TOX4: variants seen among roughly 807,000 people sequenced by gnomAD.
TOX4 encodes TOX high mobility group box family member 4, also known as epidermal Langerhans cell protein LCP1.
In TOX4, 12 loss-of-function variants were observed where a neutral mutation model predicts 61.0. The ratio of observed to expected loss-of-function variants is 0.20; its 90% CI spans 0.13 to 0.32. The LOEUF (loss-of-function observed/expected upper bound fraction) is 0.32, where lower values mean the gene tolerates loss of function less well. Ranked by LOEUF, TOX4 falls within the 10% of genes least tolerant of loss-of-function variation. The probability of loss-of-function intolerance (pLI) is 1.00; values close to 1 mark genes in which losing one functional copy is unlikely to be tolerated. For missense variants in TOX4, 499 were observed against 753.3 expected, an observed-to-expected ratio of 0.66 and a Z score of 3.95; for synonymous variants, 268 against 274.8, an observed-to-expected ratio of 0.98 and a Z score of 0.24.
chr14:21,481,813 A>T lies in TOX4; in HGVS notation c.75+4249A>T, dbSNP rs575492258. Among the ~76,000 whole-genome samples the T allele has an allele frequency of 3.9e-5, 6 of 152,358 alleles. No homozygotes were observed. In the East Asian group the frequency reaches 1.2e-3, roughly 29 times the overall value. Reference sequence around the variant, plus strand: ...TATTTTGTTGAGTAGAAAAAGACAGACATAAAAGAGAAGACACTATATTCG... The same window carrying T: ...TATTTTGTTGAGTAGAAAAAGACAGTCATAAAAGAGAAGACACTATATTCG... On this transcript the variant is annotated intron_variant, in intron 2 of 8. Coordinates refer to ENST00000448790, the MANE Select transcript of TOX4 (RefSeq NM_014828.4).
chr14:21,479,528 A>T (rs1406571895), intron 2 of TOX4, among the ~76,000 whole-genome samples: 1 of 151,948 alleles, frequency 6.6e-6, no homozygotes, highest in Non-Finnish European at 1.5e-5. Context: ...CGCGCCTGTA[A>T]TCCCAGATAC....
chr14:21,481,074 G>T (rs1891099649), intron 2 of TOX4, among the ~76,000 whole-genome samples: 1 of 152,108 alleles, frequency 6.6e-6, no homozygotes, highest in South Asian at 2.1e-4. Context: ...TGGGCAACAA[G>T]AGAGAAACTC....
chr14:21,488,415 TG>T, intron 3 of TOX4, 174 bp from the exon 4 acceptor site: 2 of 678,722 alleles, frequency 2.9e-6, no homozygotes, highest in Non-Finnish European at 4.8e-6. Context: ...CATTAATTTC[TG>T]TACTTTTTTA....
rs762865821 is a variant in TOX4, at chr14:21,492,599, C to T, written c.983C>T (p.Ala328Val). ...PMATVDPASPAPASIEPPALS... is the reference protein window; with the variant it reads ...PMATVDPASPVPASIEPPALS... ...GCTACTGTTGACCCAGCATCTCCAG[C>T]ACCAGCTTCAATAGAGCCCCCTGCC... The change falls in exon 7 of 9, where the codon GCA becomes GTA. Residue 328 changes from alanine (A) to valine (V), a missense_variant. By Grantham distance (64) the Ala-to-Val change is moderately conservative (BLOSUM62 0). Around this residue, in one of 7 missense-constraint regions of TOX4, gnomAD observed 296 missense variants for 404.7 expected, o/e 0.73. Coordinates refer to ENST00000448790, the MANE Select transcript of TOX4 (RefSeq NM_014828.4). 6.2e-7 allele frequency: 1 copy of T among 1,613,892 alleles called. No individual in the cohort carries two copies. Among genetic ancestry groups the T allele is most frequent in the South Asian group, 1.1e-5 (1 of 91,078 alleles).
intron 7 of TOX4, among the ~76,000 whole-genome samples, chr14:21,494,781 C>T (rs1198263218): frequency 2.0e-5 from 3 of 146,814 alleles, no homozygotes; most frequent in Admixed American, 6.8e-5. Flanking sequence ...TAGCTGGGCA[C>T]GGTGATGGGC....
At chr14:21,479,655 C>T (rs190479389) in intron 2 of TOX4, among the ~76,000 whole-genome samples, 2 of 152,134 alleles carry the variant, frequency 1.3e-5, no homozygotes, top group African/African-American at 4.8e-5. Flanking sequence ...CTCAAACAAA[C>T]AAACAAAAAC....
intron 5 of TOX4, among the ~76,000 whole-genome samples, chr14:21,490,253 C>T (rs1317280077): frequency 1.3e-5 from 2 of 150,948 alleles, no homozygotes; most frequent in African/African-American, 2.4e-5. Context: ...CCGAGGCAGG[C>T]GGATTACGAA....
chr14:21,491,841 C>T (rs2139628741), intron 5 of TOX4, among the ~76,000 whole-genome samples: 1 of 151,120 alleles, frequency 6.6e-6, no homozygotes, highest in South Asian at 2.1e-4. Flanking sequence ...GAAACCCCAT[C>T]TCTACTAAAA....
chr14:21,480,336 G>A (rs796372384), intron 2 of TOX4, among the ~76,000 whole-genome samples: 6 of 152,126 alleles, frequency 3.9e-5, no homozygotes, highest in African/African-American at 1.4e-4. Context: ...TAAGTTTTAG[G>A]CTCAATTTCA....
chr14:21,496,724 C>A lies in TOX4; in HGVS notation c.*118C>A. 1.2e-6 allele frequency: 1 copy of A among 832,992 alleles called. No homozygotes were observed. Among genetic ancestry groups the A allele is most frequent in the Non-Finnish European group, 2.0e-6 (1 of 512,514 alleles). 51.6% of individuals were successfully genotyped at this position (832,992 alleles called of 1,614,324 possible). A position where few individuals can be genotyped will look rare whatever the true frequency, so the allele number is the denominator to read the frequency against. On this transcript the variant is annotated 3_prime_UTR_variant, in exon 9 of 9. Coordinates refer to ENST00000448790, the MANE Select transcript of TOX4 (RefSeq NM_014828.4). ...CTCATCACAACCCATGATGGCTGTT[C>A]ATGTTTCACCCCTTTTCTTCCTTCA...
intron 7 of TOX4, 40 bp from the exon 8 acceptor site, chr14:21,495,189 A>G (rs756755911): frequency 2.6e-5 from 42 of 1,603,512 alleles, no homozygotes; most frequent in Non-Finnish European, 3.6e-5. Flanking sequence ...CTAGGCAGGG[A>G]GCAATCTAAT....
intron 5 of TOX4, 29 bp from the exon 6 acceptor site, chr14:21,492,266 GT>G (rs749834552): frequency 1.2e-3 from 1,092 of 898,216 alleles, no homozygotes; most frequent in Admixed American, 1.5e-3. Context: ...GGGGAGTTTT[GT>G]TTTTTTTTTT....
At chr14:21,479,679 T>G (rs1405570275) in intron 2 of TOX4, among the ~76,000 whole-genome samples, 3 of 152,072 alleles carry the variant, frequency 2.0e-5, no homozygotes, top group African/African-American at 7.2e-5. Flanking sequence ...TAAAATCTGC[T>G]TGGTGCTTTG....
chr14:21,495,193 A>G lies in TOX4; in HGVS notation c.1642-36A>G, dbSNP rs201267602. ...TAACTAGCTAGCTAGGCAGGGAGCA[A>G]TCTAATCCACCTTGGTACTCTTCTT... On this transcript the variant is annotated intron_variant, in intron 7 of 8. Transcript: ENST00000448790. The G allele has an allele frequency of 1.0e-5, 16 of 1,607,934 alleles. No homozygotes were observed. In the African/African-American group the frequency reaches 1.3e-4, roughly 13 times the overall value.
intron 2 of TOX4, among the ~76,000 whole-genome samples, chr14:21,485,458 G>C (rs1891178357): frequency 9.6e-6 from 1 of 104,222 alleles, no homozygotes. Context: ...ATGGTGGTGT[G>C]CACCTGTAGT....
Position 21,489,310 on chromosome 14 carries a change from T to G in TOX4, c.717T>G (p.Ala239=). 6.2e-7 allele frequency: 1 copy of G among 1,614,200 alleles called. No homozygotes were observed. The highest frequency in any genetic ancestry group is 8.5e-7 in the Non-Finnish European group (1 of 1,180,034). ...CTTTATTCTTTCGTGATACACAGGC[T>G]GCCATCAAGGGACAGAATCCTAATG... ...AYALFFRDTQ[A]AIKGQNPNAT... The change falls in exon 5 of 9, where the codon GCT becomes GCG. Residue 239 remains alanine, a synonymous_variant. Coordinates refer to ENST00000448790, the MANE Select transcript of TOX4 (RefSeq NM_014828.4).
chr14:21,493,475 C>T (rs1477960934), intron 7 of TOX4, among the ~76,000 whole-genome samples: 1 of 152,036 alleles, frequency 6.6e-6, no homozygotes, highest in Non-Finnish European at 1.5e-5. Flanking sequence ...TGGAGTTTCA[C>T]TCATTGCCCA....
chr14:21,492,919 T>C lies in TOX4; in HGVS notation c.1303T>C (p.Ser435Pro). The C allele has an allele frequency of 6.2e-7, 1 of 1,608,580 alleles. No homozygotes were observed. Among genetic ancestry groups the C allele is most frequent in the Non-Finnish European group, 8.5e-7 (1 of 1,178,740 alleles). Residue 435 changes from serine (S) to proline (P), a missense_variant, in exon 7 of 9, where the codon TCT (serine) becomes CCT (proline). Around this residue, in one of 7 missense-constraint regions of TOX4, gnomAD observed 296 missense variants for 404.7 expected, o/e 0.73. Transcript: ENST00000448790. Reference sequence around the variant, plus strand: ...AGCAGCAGCTGCTGCTGCTGCTGCTTCTATGCAACTGCCTCCACCCCGACT... The same window carrying C: ...AGCAGCAGCTGCTGCTGCTGCTGCTCCTATGCAACTGCCTCCACCCCGACT... Reference protein sequence around the residue: ...QAAAAAAAAASMQLPPPRLQP... With the variant: ...QAAAAAAAAAPMQLPPPRLQP...
chr14:21,498,624 T>C lies in TOX4; in HGVS notation c.*2018T>C, dbSNP rs915755657. 7.5e-6 allele frequency: 4 copies of C among 533,440 alleles called. No homozygotes were observed. Among genetic ancestry groups the C allele is most frequent in the Non-Finnish European group, 6.6e-6 (2 of 302,294 alleles). 33.0% of individuals were successfully genotyped at this position (533,440 alleles called of 1,614,324 possible). A position where few individuals can be genotyped will look rare whatever the true frequency, so the allele number is the denominator to read the frequency against. ...GCTTAGCCAGGCCTGCTTCACAGAG[T>C]TGCTACCAGGGAGTATTCTTTGGAT... is the stretch of plus-strand genomic sequence containing the variant. On this transcript the variant is annotated 3_prime_UTR_variant, in exon 9 of 9. Transcript: ENST00000448790.
Sources: allele counts gnomAD v4.1 joint callset (sites outside exome capture counted in the v4.1 genomes callset), GRCh38; gene constraint gnomAD v4.1.1; regional missense constraint gnomAD v4.1.1; transcripts MANE v1.5; gene names NCBI Gene and HGNC (gene_info 2026-07-23, HGNC 2026-07-21).